PCDHGB6: variants seen among roughly 807,000 people sequenced by gnomAD.
PCDHGB6 encodes protocadherin gamma-B6.
Under a neutral mutation model 59.1 loss-of-function variants are expected in PCDHGB6, and 51 were observed. The observed-to-expected ratio is 0.86, with a 90% confidence interval of 0.69 to 1.09. The LOEUF (loss-of-function observed/expected upper bound fraction) is 1.09. Among genes scored for constraint, PCDHGB6 ranks in the 50% least tolerant of loss-of-function variants. The pLI is 0.00. For missense variants in PCDHGB6, 1,148 were observed against 1,205.1 expected (o/e 0.95, Z 0.70); for synonymous variants, 466 against 495.1 (o/e 0.94, Z 0.78).
At chr5:141,480,873 C>T (rs1026513782) in intron 1 of PCDHGB6, among the ~76,000 whole-genome samples, 5 of 152,050 alleles carry the variant, frequency 3.3e-5, no homozygotes, top group Non-Finnish European at 7.4e-5. Context: ...GGTGAAACCC[C>T]GTCTCTACTA....
Position 141,410,123 on chromosome 5 carries a change from C to A in PCDHGB6, c.1921C>A (p.Arg641Ser). The A allele has an allele frequency of 1.2e-6, 2 of 1,612,780 alleles. No homozygotes were observed. The highest frequency in any genetic ancestry group is 1.7e-6 in the Non-Finnish European group (2 of 1,179,646). ...ALGDRDAARQ[R>S]LLVAVRDGGQ... ...AGGCGACAGGGACGCAGCCCGCCAG[C>A]GCCTGCTGGTCGCTGTGCGTGACGG... Residue 641 changes from arginine to serine, a missense_variant, in exon 1 of 4, where the codon CGC becomes AGC. By Grantham distance (110) the Arg-to-Ser change is moderately radical (BLOSUM62 -1). Around this residue, in one of 5 missense-constraint regions of PCDHGB6, gnomAD observed 549 missense variants for 527.5 expected, o/e 1.04. Coordinates refer to ENST00000520790, the MANE Select transcript of PCDHGB6 (RefSeq NM_018926.3).
chr5:141,478,418 C>T, intron 1 of PCDHGB6: 1 of 1,613,650 alleles, frequency 6.2e-7, no homozygotes, highest in Non-Finnish European at 8.5e-7. Context: ...GGACTCCCGC[C>T]GCAGCGACCC....
At chr5:141,484,921 T>A in intron 1 of PCDHGB6, 1 of 478,304 alleles carries the variant, frequency 2.1e-6, no homozygotes, top group South Asian at 2.8e-5. Flanking sequence ...TTAACCCTGC[T>A]GCTGTTGGGA....
At chr5:141,454,964 C>T (rs1283179107) in intron 1 of PCDHGB6, among the ~76,000 whole-genome samples, 10 of 151,622 alleles carry the variant, frequency 6.6e-5, no homozygotes, top group African/African-American at 2.4e-4. Flanking sequence ...CCGGCCACCA[C>T]GCCTGGCTAA....
At chr5:141,472,980 C>CAAAAAAAA (rs60579131) in intron 1 of PCDHGB6, among the ~76,000 whole-genome samples, 7 of 86,098 alleles carry the variant, frequency 8.1e-5, no homozygotes, top group Admixed American at 1.2e-4. Context: ...GAGTGAAACT[C>CAAAAAAAA]AAAAAAAAAA....
In PCDHGB6 at chr5:141,408,437, G is replaced by A. The variant is rs368564960; in HGVS notation, c.235G>A (p.Ala79Thr). The A allele has an allele frequency of 6.2e-7, 1 of 1,614,068 alleles. No homozygotes were observed. The highest frequency in any genetic ancestry group is 1.7e-5 in the Admixed American group (1 of 60,028). Residue 79 changes from alanine to threonine, a missense_variant, in exon 1 of 4, where the codon GCG becomes ACG. Coordinates refer to ENST00000520790, the MANE Select transcript of PCDHGB6 (RefSeq NM_018926.3). ...GGAGAAGCTGCACTTCAGCGTAGAC[G>A]CGGAGAGCGGGGACTTACTTGTGAA... is the stretch of plus-strand genomic sequence containing the variant. ...SAEKLHFSVDAESGDLLVKNR... is the reference protein window; with the variant it reads ...SAEKLHFSVDTESGDLLVKNR...
chr5:141,476,952 T>A lies in PCDHGB6; in HGVS notation c.2419-17855T>A, dbSNP rs1463851594. On this transcript the variant is annotated intron_variant, in intron 1 of 3. Transcript: ENST00000520790. This position sits in a 1 kb window ranked among gnomAD's most constrained non-coding sequence, Gnocchi z 7.6. ...CTGGATGAAGGCCCCAACGGTGAAA[T>A]TATTTACTCCTTCGGCAGCCACAAC... 1 of 1,614,052 alleles carries A rather than the reference T, an allele frequency of 6.2e-7. No individual in the cohort carries two copies. Among genetic ancestry groups the A allele is most frequent in the Non-Finnish European group, 8.5e-7 (1 of 1,180,038 alleles).
chr5:141,433,408 A>ATCTATCT (rs1413347413), intron 1 of PCDHGB6, among the ~76,000 whole-genome samples: 44 of 127,346 alleles, frequency 3.5e-4, no homozygotes, highest in African/African-American at 1.2e-3. Context: ...TCTATCTATT[A>ATCTATCT]CTTTCTTGTA....
Position 141,492,511 on chromosome 5 carries a change from C to T in PCDHGB6, c.2419-2296C>T, listed in dbSNP as rs58889912. Among the ~76,000 whole-genome samples the T allele has an allele frequency of 1.7e-3, 262 of 152,326 alleles. 2 individuals are homozygous for T. The highest frequency in any genetic ancestry group is 6.0e-3 in the African/African-American group (249 of 41,582). On this transcript the variant is annotated intron_variant, in intron 1 of 3. Coordinates refer to ENST00000520790, the MANE Select transcript of PCDHGB6 (RefSeq NM_018926.3). Reference sequence around the variant, plus strand: ...CCAGGCGAGGACTCCGGAGCCTCCTCTCACCTCTCCCACCTGCGCCCCGGG... The same window carrying T: ...CCAGGCGAGGACTCCGGAGCCTCCTTTCACCTCTCCCACCTGCGCCCCGGG...
At chr5:141,428,095 A>G (rs1361784967) in intron 1 of PCDHGB6, 1 of 1,608,848 alleles carries the variant, frequency 6.2e-7, no homozygotes, top group East Asian at 2.2e-5. Flanking sequence ...TGGCTGTCCT[A>G]CCACGTGCTG....
rs764363553 is a variant in PCDHGB6 at position 141,432,120 on chromosome 5, A to C, written c.2418+21500A>C. The C allele has an allele frequency of 1.2e-6, 2 of 1,613,978 alleles. No homozygotes were observed. Among genetic ancestry groups the C allele is most frequent in the African/African-American group, 2.7e-5 (2 of 74,894 alleles). ...AACGACAACCCGCCGGTCTTCCCTC[A>C]GGCCTCCTATTCCGCTTATATCCCA... On this transcript the variant is annotated intron_variant, in intron 1 of 3. Transcript: ENST00000520790. The surrounding 1 kb of genome is among the most constrained non-coding windows in gnomAD (Gnocchi z 6.0).
rs1191643556 is a variant in PCDHGB6, at chr5:141,486,302, C to T, written c.2419-8505C>T. The T allele has an allele frequency of 2.5e-6, 4 of 1,613,918 alleles. No individual in the cohort carries two copies. The highest frequency in any genetic ancestry group is 3.4e-6 in the Non-Finnish European group (4 of 1,180,002). Reference sequence around the variant, plus strand: ...GGTGGCACTTATCAGTGTGCAGGATCCAGACTCAGGGTCAAACGGAGATGT... The same window carrying T: ...GGTGGCACTTATCAGTGTGCAGGATTCAGACTCAGGGTCAAACGGAGATGT... On this transcript the variant is annotated intron_variant, in intron 1 of 3. Coordinates refer to ENST00000520790, the MANE Select transcript of PCDHGB6 (RefSeq NM_018926.3). This position sits in a 1 kb window ranked among gnomAD's most constrained non-coding sequence, Gnocchi z 5.0.
chr5:141,488,193 T>C (rs1211647195), intron 1 of PCDHGB6, among the ~76,000 whole-genome samples: 1 of 152,122 alleles, frequency 6.6e-6, no homozygotes, highest in Non-Finnish European at 1.5e-5. Flanking sequence ...TTGGTCTGGG[T>C]CTTAGGACTC....
At chr5:141,465,162 G>A (rs1464525964) in intron 1 of PCDHGB6, among the ~76,000 whole-genome samples, 1 of 151,654 alleles carries the variant, frequency 6.6e-6, no homozygotes, top group Non-Finnish European at 1.5e-5. Context: ...GACTCTAAAT[G>A]TTTATGAAGA....
intron 1 of PCDHGB6, among the ~76,000 whole-genome samples, chr5:141,457,854 C>A (rs2098930903): frequency 6.6e-6 from 1 of 152,234 alleles, no homozygotes; most frequent in African/African-American, 2.4e-5. Flanking sequence ...AAGTGACATT[C>A]TTCACTGACC....
chr5:141,504,578 TGCCCAGGATTCACAGCAA>T (rs2099839274), intron 2 of PCDHGB6, among the ~76,000 whole-genome samples: 1 of 148,500 alleles, frequency 6.7e-6, no homozygotes, highest in African/African-American at 2.5e-5. Flanking sequence ...GAACACCATC[TGCCCAGGATTCACAGCAA>T]GAGGGAACTT....
chr5:141,460,454 T>A (rs1010186960), intron 1 of PCDHGB6, among the ~76,000 whole-genome samples: 6 of 152,194 alleles, frequency 3.9e-5, no homozygotes, highest in Admixed American at 3.3e-4. Flanking sequence ...TGAAGATTCA[T>A]ATTTTTTTCC....
intron 1 of PCDHGB6, chr5:141,418,551 T>A (rs766987131): frequency 1.2e-6 from 2 of 1,614,026 alleles, no homozygotes; most frequent in South Asian, 2.2e-5. Context: ...ATAAGAATCC[T>A]GGTAATAGAT....
chr5:141,443,999 T>C (rs2098413024), intron 1 of PCDHGB6, among the ~76,000 whole-genome samples: 1 of 152,136 alleles, frequency 6.6e-6, no homozygotes, highest in Non-Finnish European at 1.5e-5. Context: ...TTTTAAATGC[T>C]ACCTGGGTAT....
Sources: gnomAD v4.1 joint callset for allele counts (sites outside exome capture counted in the v4.1 genomes callset) on GRCh38, gnomAD v4.1.1 for gene constraint, gnomAD v4.1.1 regional missense constraint, Gnocchi (gnomAD v3.1) non-coding constraint, MANE v1.5 for transcripts, NCBI Gene and HGNC (gene_info 2026-07-23, HGNC 2026-07-21) for gene names.